Variants in PLPPR2 observed in about 807,000 individuals in gnomAD.
PLPPR2 encodes the protein phospholipid phosphatase-related protein type 2.
A neutral mutation model predicts 40.3 loss-of-function variants in PLPPR2; 11 were observed. That is an observed-to-expected ratio of 0.27 (90% confidence interval 0.17 to 0.45). PLPPR2 has a LOEUF of 0.45. PLPPR2 is among the 20% of genes least tolerant of loss of function. PLPPR2 has a pLI of 1.00. For synonymous variants in PLPPR2, 260 were observed against 290.8 expected (o/e 0.89, Z 1.08); for missense variants, 497 against 640.7 (o/e 0.78, Z 2.42).
Position 11,364,969 on chromosome 19 carries a change from T to A in PLPPR2, c.*279T>A. On this transcript the variant is annotated 3_prime_UTR_variant, in exon 10 of 10. Coordinates refer to ENST00000688289, the MANE Select transcript of PLPPR2 (RefSeq NM_001393892.1). This position sits in a 1 kb window ranked among gnomAD's most constrained non-coding sequence, Gnocchi z 5.8. ...CCATTGCCTGGCTAATGAGAACCCC[T>A]GGTTCTCAGAATTTTAACCAAAAGG... The A allele has an allele frequency of 2.1e-6, 1 of 483,692 alleles. No individual in the cohort carries two copies. The highest frequency in any genetic ancestry group is 3.6e-6 in the Non-Finnish European group (1 of 274,676). 30.0% of individuals were successfully genotyped at this position (483,692 alleles called of 1,614,324 possible).
rs577403618 is a variant in PLPPR2, at chr19:11,365,014, G to T, written c.*324G>T. The T allele has an allele frequency of 3.9e-4, 147 of 381,690 alleles. No homozygotes were observed. Among genetic ancestry groups the T allele is most frequent in the Non-Finnish European group, 5.6e-4 (118 of 211,756 alleles). 23.6% of individuals were successfully genotyped at this position (381,690 alleles called of 1,614,324 possible). On this transcript the variant is annotated 3_prime_UTR_variant, in exon 10 of 10. Transcript: ENST00000688289. ...AAAAGGAGTTGGCTCCAACCAATGGGAGCCTTCCCCTCACTTCTTAGAATC... is the reference window on the plus strand; with the variant it reads ...AAAAGGAGTTGGCTCCAACCAATGGTAGCCTTCCCCTCACTTCTTAGAATC...
Position 11,362,106 on chromosome 19 carries a change from CCTCCTACAG to C in PLPPR2, c.664-384_664-376del, listed in dbSNP as rs577413726. 1.1e-3 allele frequency among the ~76,000 whole-genome samples: 161 copies of C among 152,256 alleles called. 1 individual carries two copies. Among genetic ancestry groups the C allele is most frequent in the East Asian group, 3.9e-3 (20 of 5,184 alleles). On this transcript the variant is annotated intron_variant, in intron 6 of 9. Transcript: ENST00000688289. The surrounding 1 kb of genome is among the most constrained non-coding windows in gnomAD (Gnocchi z 5.3). ...GGTCCCCTAGGGGTCAGGGGCTCCA[CCTCCTACAG>C]CTCCTACAGCTCCTACAGCTCCCTT...
In PLPPR2 at chr19:11,361,416, C is replaced by T. The variant is rs767395661; in HGVS notation, c.591C>T (p.Leu197=). The change falls in exon 6 of 10, where the codon CTC becomes CTT. Residue 197 remains leucine, a synonymous_variant. Coordinates refer to ENST00000688289, the MANE Select transcript of PLPPR2 (RefSeq NM_001393892.1). The surrounding 1 kb of genome is among the most constrained non-coding windows in gnomAD (Gnocchi z 6.3). ...GTGCCTGCGCTGGCAGTCCCAGCCTCGTGGCCGCCGCGCGCCGCGCCTTCC... is the reference window on the plus strand; with the variant it reads ...GTGCCTGCGCTGGCAGTCCCAGCCTTGTGGCCGCCGCGCGCCGCGCCTTCC... ...DQGACAGSPS[L]VAAARRAFPC... is the part of the protein sequence containing the mutation. The T allele has an allele frequency of 3.1e-6, 5 of 1,607,830 alleles. No individual in the cohort carries two copies. The highest frequency in any genetic ancestry group is 2.2e-5 in the East Asian group (1 of 44,870).
chr19:11,362,775 T>C lies in PLPPR2; in HGVS notation c.840+86T>C. 1 of 1,432,004 alleles carries C rather than the reference T, an allele frequency of 7.0e-7. No homozygotes were observed. The highest frequency in any genetic ancestry group is 9.5e-7 in the Non-Finnish European group (1 of 1,056,528). The allele number at this position is 1,432,004 out of a possible 1,614,324, so 88.7% of individuals were successfully genotyped here. On this transcript the variant is annotated intron_variant, in intron 7 of 9. Coordinates refer to ENST00000688289, the MANE Select transcript of PLPPR2 (RefSeq NM_001393892.1). The surrounding 1 kb of genome is among the most constrained non-coding windows in gnomAD (Gnocchi z 5.3). ...GGCAGGACCACATGATGGAGAAGGG[T>C]GTGGACTCTGTGTGACCTTGGGCCA...
intron 5 of PLPPR2, among the ~76,000 whole-genome samples, chr19:11,360,190 C>T (rs1031276125): frequency 3.9e-4 from 59 of 150,880 alleles, no homozygotes; most frequent in African/African-American, 1.4e-3. Flanking sequence ...ATTAGCTGGG[C>T]GTGTGGCAGG....
In PLPPR2 at chr19:11,359,655, G is replaced by A. The variant is rs1967988433; in HGVS notation, c.190G>A (p.Glu64Lys). 2 of 1,612,638 alleles carry A rather than the reference G, an allele frequency of 1.2e-6. No homozygotes were observed. Among genetic ancestry groups the A allele is most frequent in the East Asian group, 2.2e-5 (1 of 44,848 alleles). Reference sequence around the variant, plus strand: ...CTACGCCAAGCCCTACCCAGGGCCTGAGGCTGCCAGCCGAGTGCCTCCTGC... The same window carrying A: ...CTACGCCAAGCCCTACCCAGGGCCTAAGGCTGCCAGCCGAGTGCCTCCTGC... ...STYAKPYPGP[E>K]AASRVPPALV... The change falls in exon 4 of 10, where the codon GAG becomes AAG. Residue 64 changes from glutamate (E) to lysine (K), a missense_variant. Physicochemically the swap from Glu to Lys is moderately conservative, Grantham distance 56. Coordinates refer to ENST00000688289, the MANE Select transcript of PLPPR2 (RefSeq NM_001393892.1). The surrounding 1 kb of genome is among the most constrained non-coding windows in gnomAD (Gnocchi z 5.6).
Position 11,359,930 on chromosome 19 carries a change from C to T in PLPPR2, c.365C>T (p.Pro122Leu), listed in dbSNP as rs769423711. The change falls in exon 5 of 10, where the codon CCA becomes CTA. Residue 122 changes from proline (P) to leucine (L), a missense_variant. Pro to Leu is a moderately conservative substitution (Grantham distance 98). Transcript: ENST00000688289. The surrounding 1 kb of genome is among the most constrained non-coding windows in gnomAD (Gnocchi z 5.6). ...GGGGCCTGCTGCCGCTTCAGCCCCC[C>T]AGTGCGGAGGCTGGTCCGCTTCCTG... is the stretch of plus-strand genomic sequence containing the variant. ...VSGACCRFSP[P>L]VRRLVRFLGV... The T allele has an allele frequency of 1.2e-6, 2 of 1,611,490 alleles. No homozygotes were observed. The highest frequency in any genetic ancestry group is 1.3e-5 in the African/African-American group (1 of 75,050).
In PLPPR2 at chr19:11,363,034, C is replaced by G. The variant is rs1968093494; in HGVS notation, c.840+345C>G. Among the ~76,000 whole-genome samples, 2 of 152,160 alleles carry G rather than the reference C, an allele frequency of 1.3e-5. No homozygotes were observed. Among genetic ancestry groups the G allele is most frequent in the African/African-American group, 4.8e-5 (2 of 41,432 alleles). ...CAAGGCTGGGTGCGGTGGCTCACGC[C>G]TGTAATCCCAGCACTTTGGGAAGCT... On this transcript the variant is annotated intron_variant, in intron 7 of 9. Transcript: ENST00000688289. The surrounding 1 kb of genome is among the most constrained non-coding windows in gnomAD (Gnocchi z 4.8).
rs1379129853 is a variant in PLPPR2, at chr19:11,359,010, A to T, written c.67-522A>T. ...GATTACAAGCATGAGCCACGTTTTA[A>T]TTTTTTTTCTTTCTTTTTGTCTTTC... is the stretch of plus-strand genomic sequence containing the variant. On this transcript the variant is annotated intron_variant, in intron 3 of 9. Transcript: ENST00000688289. The surrounding 1 kb of genome is among the most constrained non-coding windows in gnomAD (Gnocchi z 5.6). 6.8e-6 allele frequency among the ~76,000 whole-genome samples: 1 copy of T among 147,924 alleles called. No individual in the cohort carries two copies. Among genetic ancestry groups the T allele is most frequent in the Non-Finnish European group, 1.5e-5 (1 of 67,020 alleles).
rs1279255671 is a variant in PLPPR2, at chr19:11,362,345, A to G, written c.664-168A>G. 16 of 438,022 alleles carry G rather than the reference A, an allele frequency of 3.7e-5. No homozygotes were observed. Among genetic ancestry groups the G allele is most frequent in the Non-Finnish European group, 6.4e-5 (16 of 251,088 alleles). 27.1% of individuals were successfully genotyped at this position (438,022 alleles called of 1,614,324 possible). Reference sequence around the variant, plus strand: ...CCCCCCCCCCTTTGCCTTTTTGGTCACGCTCCCTGGAAAAGCCCACTGGGA... The same window carrying G: ...CCCCCCCCCCTTTGCCTTTTTGGTCGCGCTCCCTGGAAAAGCCCACTGGGA... On this transcript the variant is annotated intron_variant, in intron 6 of 9. Transcript: ENST00000688289. The surrounding 1 kb of genome is among the most constrained non-coding windows in gnomAD (Gnocchi z 5.3).
chr19:11,358,058 TGTGTAC>T (rs57201959), intron 3 of PLPPR2, among the ~76,000 whole-genome samples: 1 of 12,350 alleles, frequency 8.1e-5, no homozygotes, highest in African/African-American at 3.3e-4. Flanking sequence ...TGTGTGTGTG[TGTGTAC>T]GTGTGTTTGA....
chr19:11,364,549 G>C lies in PLPPR2; in HGVS notation c.1218G>C (p.Gly406=), dbSNP rs977879556. The C allele has an allele frequency of 6.5e-7, 1 of 1,536,694 alleles. No homozygotes were observed. The highest frequency in any genetic ancestry group is 1.4e-5 in the African/African-American group (1 of 73,150). ...CCCCTGGACCTGGGGGGCCAGGCGG[G>C]GGTGGTGGACGTGGCCGGAAGCTGC... The part of the protein sequence containing the change: ...PSSPGPGGPG[G]GGGRGRKLLL... Residue 406 remains glycine (G), a synonymous_variant, in exon 10 of 10, where the codon GGG becomes GGC. Transcript: ENST00000688289. The surrounding 1 kb of genome is among the most constrained non-coding windows in gnomAD (Gnocchi z 5.8).
rs532476404 is a variant in PLPPR2, at chr19:11,364,408, A to T, written c.1077A>T (p.Pro359=). Residue 359 remains proline (P), a synonymous_variant, in exon 10 of 10, where the codon CCA becomes CCT. Coordinates refer to ENST00000688289, the MANE Select transcript of PLPPR2 (RefSeq NM_001393892.1). This position sits in a 1 kb window ranked among gnomAD's most constrained non-coding sequence, Gnocchi z 5.8. The part of the protein sequence containing the change: ...LIPSCVSSRA[P]AMCSSPRVPR... ...CCAGCTGTGTCTCCTCCAGGGCCCC[A>T]GCCATGTGTTCGTCGCCCCGTGTGC... The T allele has an allele frequency of 2.6e-6, 4 of 1,520,326 alleles. No individual in the cohort carries two copies. The East Asian group carries it at 9.1e-5, about 35-fold the overall frequency. The allele number at this position is 1,520,326 out of a possible 1,614,324, so 94.2% of individuals were successfully genotyped here. A position where few individuals can be genotyped will look rare whatever the true frequency, so the allele number is the denominator to read the frequency against.
intron 5 of PLPPR2, among the ~76,000 whole-genome samples, chr19:11,360,509 G>C (rs1968014575): frequency 6.6e-6 from 1 of 152,064 alleles, no homozygotes; most frequent in African/African-American, 2.4e-5. Context: ...AAGCAACAAG[G>C]GACTTAGGCT....
rs751245900 is a variant in PLPPR2, at chr19:11,364,375, C to T, written c.1044C>T (p.His348=). The T allele has an allele frequency of 2.2e-5, 34 of 1,519,492 alleles. No homozygotes were observed. The highest frequency in any genetic ancestry group is 3.0e-5 in the Non-Finnish European group (34 of 1,134,958). 94.1% of individuals were successfully genotyped at this position (1,519,492 alleles called of 1,614,324 possible). The change falls in exon 10 of 10, where the codon CAC becomes CAT. Residue 348 remains histidine (H), a synonymous_variant. Transcript: ENST00000688289. The surrounding 1 kb of genome is among the most constrained non-coding windows in gnomAD (Gnocchi z 5.8). ...CGCAGAACTGCGCCCGCCGTGGCCA[C>T]CTGATCCCCAGCTGTGTCTCCTCCA... ...SKSQNCARRG[H]LIPSCVSSRA...
rs1463591506 is a variant in PLPPR2, at chr19:11,364,962, G to A, written c.*272G>A. 9.8e-6 allele frequency: 5 copies of A among 509,608 alleles called. No individual in the cohort carries two copies. The highest frequency in any genetic ancestry group is 1.7e-5 in the Non-Finnish European group (5 of 290,048). The allele number at this position is 509,608 out of a possible 1,614,324, so 31.6% of individuals were successfully genotyped here. A position where few individuals can be genotyped will look rare whatever the true frequency, so the allele number is the denominator to read the frequency against. ...CCATTGGCCATTGCCTGGCTAATGA[G>A]AACCCCTGGTTCTCAGAATTTTAAC... On this transcript the variant is annotated 3_prime_UTR_variant, in exon 10 of 10. Coordinates refer to ENST00000688289, the MANE Select transcript of PLPPR2 (RefSeq NM_001393892.1). This position sits in a 1 kb window ranked among gnomAD's most constrained non-coding sequence, Gnocchi z 5.8.
Position 11,359,943 on chromosome 19 carries a change from G to C in PLPPR2, c.378G>C (p.Leu126=). ...GCTTCAGCCCCCCAGTGCGGAGGCT[G>C]GTCCGCTTCCTGGGTGAGAGACATG... ...CCRFSPPVRR[L]VRFLGVYSFG... is the part of the protein sequence containing the mutation. The change falls in exon 5 of 10, where the codon CTG becomes CTC. Residue 126 remains leucine (L), a synonymous_variant. Transcript: ENST00000688289. This position sits in a 1 kb window ranked among gnomAD's most constrained non-coding sequence, Gnocchi z 5.6. 6.2e-7 allele frequency: 1 copy of C among 1,606,750 alleles called. No homozygotes were observed.
chr19:11,364,141 CGTCT>C lies in PLPPR2; in HGVS notation c.964-15_964-12del, dbSNP rs751364798. The C allele has an allele frequency of 1.3e-5, 21 of 1,605,930 alleles. No individual in the cohort carries two copies. The highest frequency in any genetic ancestry group is 1.2e-4 in the African/African-American group (9 of 74,828). On this transcript the variant is annotated splice_polypyrimidine_tract_variant and intron_variant, in intron 8 of 9. Transcript: ENST00000688289. The surrounding 1 kb of genome is among the most constrained non-coding windows in gnomAD (Gnocchi z 5.8). ...GGCCCAGGGGGCCACTAGCCCCTTC[CGTCT>C]GTCTCTTTGTCTCAGGAACCCGAGG...
intron 2 of PLPPR2, 147 bp from the exon 3 acceptor site, chr19:11,357,513 G>A: frequency 5.6e-6 from 3 of 535,146 alleles, no homozygotes; most frequent in South Asian, 2.7e-5. Flanking sequence ...TGGCCAGAAG[G>A]TTCAAGGGAC....
Sources: allele counts gnomAD v4.1 joint callset (sites outside exome capture counted in the v4.1 genomes callset), GRCh38; gene constraint gnomAD v4.1.1; non-coding constraint Gnocchi (gnomAD v3.1); transcripts MANE v1.5; gene names NCBI Gene and HGNC (gene_info 2026-07-23, HGNC 2026-07-21).